The following PAX3 variants were observed in gnomAD, a reference collection of about 807,000 sequenced individuals.
PAX3 encodes paired box 3.
Under a neutral mutation model 51.6 loss-of-function variants are expected in PAX3, and 14 were observed. The ratio of observed to expected loss-of-function variants is 0.27; its 90% CI spans 0.18 to 0.42. The LOEUF (loss-of-function observed/expected upper bound fraction) is 0.42. Ranked by LOEUF, PAX3 falls within the 10% of genes least tolerant of loss-of-function variation. The pLI, the probability that PAX3 is intolerant of heterozygous loss-of-function variation, is 1.00. For synonymous variants in PAX3, 280 were observed against 253.4 expected (o/e 1.11, Z -1.00); for missense variants, 540 against 642.8 (o/e 0.84, Z 1.73).
intron 4 of PAX3, among the ~76,000 whole-genome samples, chr2:222,272,170 T>C (rs1171933943): frequency 6.6e-6 from 1 of 152,176 alleles, no homozygotes; most frequent in Non-Finnish European, 1.5e-5. Flanking sequence ...GAGGCACACT[T>C]AGAGGAAACT....
intron 7 of PAX3, among the ~76,000 whole-genome samples, chr2:222,216,891 G>A (rs1355947052): frequency 2.6e-5 from 4 of 152,082 alleles, no homozygotes; most frequent in Non-Finnish European, 4.4e-5. Context: ...GGAAAAAGTC[G>A]AATAAAATGC....
chr2:222,267,742 T>C (rs139387110), intron 4 of PAX3, among the ~76,000 whole-genome samples: 1 of 152,314 alleles, frequency 6.6e-6, no homozygotes, highest in East Asian at 1.9e-4. Flanking sequence ...CCCTAACCAC[T>C]CAAACATTGT....
intron 3 of PAX3, among the ~76,000 whole-genome samples, chr2:222,294,752 G>C (rs1485647744): frequency 1.9e-5 from 2 of 103,148 alleles, no homozygotes; most frequent in Non-Finnish European, 2.1e-5. Flanking sequence ...AAGCCGACTT[G>C]TCCGCGCCCC....
At chr2:222,278,439 G>A (rs560352088) in intron 4 of PAX3, among the ~76,000 whole-genome samples, 1 of 152,304 alleles carries the variant, frequency 6.6e-6, no homozygotes, top group African/African-American at 2.4e-5. Context: ...TGCTCCTTGG[G>A]GAAGGTTGTG....
intron 4 of PAX3, among the ~76,000 whole-genome samples, chr2:222,291,034 C>G (rs1256658685): frequency 2.6e-5 from 4 of 151,826 alleles, no homozygotes; most frequent in Non-Finnish European, 5.9e-5. Flanking sequence ...AGCTAAGCTT[C>G]GAGCCGGCCA....
chr2:222,230,827 C>T (rs1692563553), intron 5 of PAX3, among the ~76,000 whole-genome samples: 1 of 145,310 alleles, frequency 6.9e-6, no homozygotes, highest in Non-Finnish European at 1.5e-5. Flanking sequence ...TGCACTCCAG[C>T]CTGGGTGACA....
At chr2:222,246,309 G>T (rs1693225507) in intron 4 of PAX3, among the ~76,000 whole-genome samples, 1 of 152,106 alleles carries the variant, frequency 6.6e-6, no homozygotes, top group African/African-American at 2.4e-5. Flanking sequence ...ACTATGTCAA[G>T]ACAGATGCCA....
Position 222,259,917 on chromosome 2 carries a change from C to CT in PAX3, c.587-27635dup, listed in dbSNP as rs144070080. On this transcript the variant is annotated intron_variant, in intron 4 of 8. Transcript: ENST00000392070. The stretch of plus-strand genomic sequence containing the variant: ...TTTTTTTAAGAGATAGGATGTCTCT[C>CT]TGTCACCCAGGCTGGAGTGCAGTGG... 5.5e-3 allele frequency among the ~76,000 whole-genome samples: 833 copies of CT among 152,312 alleles called. 8 individuals carry two copies. Among genetic ancestry groups the CT allele is most frequent in the African/African-American group, 0.019 (799 of 41,568 alleles).
At position 222,201,428 on chromosome 2, in the gene PAX3, G is replaced by A. The variant is rs141807943; in HGVS notation, c.1435C>T (p.Leu479Phe). ...GQYGQSAFHY[L>F]KPDIA The stretch of plus-strand genomic sequence containing the variant: ...TTCACTTACGCGATATCTGGCTTGA[G>A]ATAATGAAAGGCACCTGTAAGGAAA... The change falls in exon 9 of 9, where the codon CTC becomes TTC. Residue 479 changes from leucine to phenylalanine, a missense_variant. Physicochemically the swap from Leu to Phe is conservative, Grantham distance 22. Transcript: ENST00000392070. The A allele has an allele frequency of 1.9e-6, 3 of 1,613,888 alleles. No individual in the cohort carries two copies. The highest frequency in any genetic ancestry group is 2.7e-5 in the African/African-American group (2 of 74,890).
intron 4 of PAX3, among the ~76,000 whole-genome samples, chr2:222,260,551 A>C (rs867500566): frequency 9.8e-6 from 1 of 102,016 alleles, no homozygotes; most frequent in Non-Finnish European, 1.8e-5. Flanking sequence ...AAGCAACACA[A>C]GTTTTTTTTT....
At chr2:222,267,088 T>A (rs1694079394) in intron 4 of PAX3, among the ~76,000 whole-genome samples, 1 of 152,240 alleles carries the variant, frequency 6.6e-6, no homozygotes, top group African/African-American at 2.4e-5. Context: ...TGATTCTAAC[T>A]GATAGTTCAA....
chr2:222,264,432 T>G (rs890763809), intron 4 of PAX3: 9 of 152,240 alleles, frequency 5.9e-5, no homozygotes, highest in Non-Finnish European at 1.3e-4. Context: ...CCAGGTTTTC[T>G]TTTTGGGTGA....
intron 1 of PAX3, among the ~76,000 whole-genome samples, chr2:222,297,416 A>C (rs1265560090): frequency 6.6e-6 from 1 of 152,222 alleles, no homozygotes; most frequent in Admixed American, 6.5e-5. Context: ...TAGCGCATGT[A>C]ATCTTGTGTA....
At chr2:222,257,187 G>A (rs1040971436) in intron 4 of PAX3, among the ~76,000 whole-genome samples, 8 of 147,742 alleles carry the variant, frequency 5.4e-5, no homozygotes, top group African/African-American at 1.7e-4. Flanking sequence ...GTAAACATCC[G>A]CTGCATAAAT....
intron 4 of PAX3, among the ~76,000 whole-genome samples, chr2:222,254,940 G>T (rs12616136): frequency 6.6e-6 from 1 of 151,838 alleles, no homozygotes; most frequent in Non-Finnish European, 1.5e-5. Context: ...GCACCACCAA[G>T]CCTGGCTAAT....
intron 4 of PAX3, among the ~76,000 whole-genome samples, chr2:222,246,584 G>T (rs576112531): frequency 1.3e-5 from 2 of 151,996 alleles, no homozygotes; most frequent in African/African-American, 2.4e-5. Flanking sequence ...CAGATGGATG[G>T]GTGGATGGAT....
intron 4 of PAX3, among the ~76,000 whole-genome samples, chr2:222,292,533 G>A (rs1397445402): frequency 6.6e-6 from 1 of 152,220 alleles, no homozygotes; most frequent in African/African-American, 2.4e-5. Flanking sequence ...CGAGAGAGCA[G>A]CCAGTCTGCC....
chr2:222,279,674 A>C (rs1175011773), intron 4 of PAX3, among the ~76,000 whole-genome samples: 1 of 152,228 alleles, frequency 6.6e-6, no homozygotes, highest in Non-Finnish European at 1.5e-5. Flanking sequence ...AAAGATAGTC[A>C]TTGTCTTACT....
At chr2:222,214,401 T>A (rs774503803) in intron 7 of PAX3, 14 of 152,144 alleles carry the variant, frequency 9.2e-5, no homozygotes, top group Non-Finnish European at 1.5e-4. Flanking sequence ...ACACTAATAA[T>A]CTCAATTTTA....
Sources: gnomAD v4.1 joint callset for allele counts (sites outside exome capture counted in the v4.1 genomes callset) on GRCh38, gnomAD v4.1.1 for gene constraint, MANE v1.5 for transcripts, NCBI Gene and HGNC (gene_info 2026-07-23, HGNC 2026-07-21) for gene names.